RCL1: variants seen among roughly 807,000 people sequenced by gnomAD.
The protein encoded by RCL1 is RNA 3'-terminal phosphate cyclase-like protein.
Under a neutral mutation model 42.4 loss-of-function variants are expected in RCL1, and 24 were observed. The ratio of observed to expected loss-of-function variants is 0.57; its 90% CI spans 0.41 to 0.80. The LOEUF (loss-of-function observed/expected upper bound fraction) is 0.80. RCL1 is among the 30% of genes least tolerant of loss of function. The pLI is 0.00. For synonymous variants in RCL1, 228 were observed against 177.3 expected, an observed-to-expected ratio of 1.29 and a Z score of -2.27; for missense variants, 578 against 467.9, an observed-to-expected ratio of 1.24 and a Z score of -2.17.
At chr9:4,810,458 G>C (rs1022949251) in intron 1 of RCL1, among the ~76,000 whole-genome samples, 1 of 152,078 alleles carries the variant, frequency 6.6e-6, no homozygotes, top group Non-Finnish European at 1.5e-5. Context: ...TGTGTGCCTG[G>C]CCTCTTTAGC....
At chr9:4,810,084 T>A (rs143548571) in intron 1 of RCL1, among the ~76,000 whole-genome samples, 1 of 152,238 alleles carries the variant, frequency 6.6e-6, no homozygotes, top group Non-Finnish European at 1.5e-5. Context: ...TGCTTTGGCC[T>A]CCCAAAGTGC....
chr9:4,822,170 G>A (rs1816616021), intron 1 of RCL1, among the ~76,000 whole-genome samples: 1 of 152,244 alleles, frequency 6.6e-6, no homozygotes, highest in African/African-American at 2.4e-5. Flanking sequence ...ATGGGACAGT[G>A]TTATGTAACA....
intron 3 of RCL1, among the ~76,000 whole-genome samples, chr9:4,829,671 G>C (rs918249919): frequency 7.9e-5 from 12 of 152,164 alleles, no homozygotes; most frequent in Non-Finnish European, 1.5e-4. Context: ...CATCTTTCAC[G>C]TGTTTTTCCT....
At position 4,860,102 on chromosome 9, in the gene RCL1, T is replaced by G. The variant is rs373571409; in HGVS notation, c.972-23T>G. 1.2e-5 allele frequency: 17 copies of G among 1,459,568 alleles called. No homozygotes were observed. The African/African-American group carries it at 2.5e-4, about 21-fold the overall frequency. The allele number at this position is 1,459,568 out of a possible 1,614,324, so 90.4% of individuals were successfully genotyped here. On this transcript the variant is annotated intron_variant, in intron 8 of 8. Transcript: ENST00000381750. ...TTTGAATGAATTTCTTTTTATTTAT[T>G]TATTTATTTTTTTCCTTTTTAGGAT...
chr9:4,833,043 G>C lies in RCL1; in HGVS notation c.385-111G>C, dbSNP rs143828528. On this transcript the variant is annotated intron_variant, in intron 3 of 8. Transcript: ENST00000381750. ...TCAGTTATATGCCAGCATCCTTTCT[G>C]TTTACCACACTGCATCATCTACCTG... is the stretch of plus-strand genomic sequence containing the variant. The C allele has an allele frequency of 8.8e-5, 64 of 729,512 alleles. 1 individual carries two copies. In the African/African-American group the frequency reaches 9.1e-4, roughly 10 times the overall value. 45.2% of individuals were successfully genotyped at this position (729,512 alleles called of 1,614,324 possible).
At chr9:4,794,405 A>C (rs1842880896) in intron 1 of RCL1, among the ~76,000 whole-genome samples, 1 of 152,188 alleles carries the variant, frequency 6.6e-6, no homozygotes, top group Non-Finnish European at 1.5e-5. Context: ...TCCTCTCTCT[A>C]CTGCTCAAAA....
At chr9:4,814,813 A>G (rs1354309723) in intron 1 of RCL1, among the ~76,000 whole-genome samples, 10 of 152,034 alleles carry the variant, frequency 6.6e-5, no homozygotes, top group Admixed American at 6.5e-4. Flanking sequence ...CCTGGCTAAT[A>G]GTAATGAATT....
chr9:4,813,695 C>T lies in RCL1; in HGVS notation c.137-9853C>T, dbSNP rs543402550. On this transcript the variant is annotated intron_variant, in intron 1 of 8. Coordinates refer to ENST00000381750, the MANE Select transcript of RCL1 (RefSeq NM_005772.5). ...CAGCCATCCCATTACTGGGTATATA[C>T]CCAAAGGATTATAAATCATGCTGCT... Among the ~76,000 whole-genome samples, 5 of 152,254 alleles carry T rather than the reference C, an allele frequency of 3.3e-5. No homozygotes were observed. In the South Asian group the frequency reaches 6.2e-4, roughly 19 times the overall value.
chr9:4,837,260 T>C (rs295266), intron 5 of RCL1, among the ~76,000 whole-genome samples: 57,053 of 151,908 alleles, frequency 0.38, 10,948 homozygotes, highest in Middle Eastern at 0.43. Context: ...ATCCTGTTGA[T>C]GGCCATTGAG....
rs1817451171 is a variant in RCL1 at position 4,844,672 on chromosome 9, A to G, written c.858A>G (p.Glu286=). 6.2e-7 allele frequency: 1 copy of G among 1,612,972 alleles called. No homozygotes were observed. Among genetic ancestry groups the G allele is most frequent in the South Asian group, 1.1e-5 (1 of 90,942 alleles). ...ACTGTGCCCGGCTGCTGCTGGAGGA[A>G]ATCTACAGGGTATGTCCACAGCTTC... The part of the protein sequence containing the change: ...GRNCARLLLE[E]IYRGGCVDST... Residue 286 remains glutamate, a synonymous_variant, in exon 7 of 9, where the codon GAA becomes GAG. Transcript: ENST00000381750.
intron 1 of RCL1, among the ~76,000 whole-genome samples, chr9:4,799,589 T>C (rs1187672381): frequency 6.6e-6 from 1 of 152,206 alleles, no homozygotes; most frequent in East Asian, 1.9e-4. Context: ...CAGTCTCTAA[T>C]CTGTTCTTTA....
Position 4,803,863 on chromosome 9 carries a change from G to C in RCL1, c.136+10636G>C, listed in dbSNP as rs150908298. The C allele has an allele frequency of 2.5e-5, 4 of 157,288 alleles. No individual in the cohort carries two copies. In the South Asian group the frequency reaches 7.5e-4, roughly 29 times the overall value. The allele number at this position is 157,288 out of a possible 1,614,324, so 9.7% of individuals were successfully genotyped here. A position where few individuals can be genotyped will look rare whatever the true frequency, so the allele number is the denominator to read the frequency against. The stretch of plus-strand genomic sequence containing the variant: ...GGTTGTACTTCTGGCATTGGAACGG[G>C]CTGTTCCCTGTGTGTTGGCAATAGT... On this transcript the variant is annotated intron_variant, in intron 1 of 8. Coordinates refer to ENST00000381750, the MANE Select transcript of RCL1 (RefSeq NM_005772.5).
At chr9:4,819,761 C>A (rs1256121632) in intron 1 of RCL1, among the ~76,000 whole-genome samples, 3 of 152,146 alleles carry the variant, frequency 2.0e-5, no homozygotes, top group Non-Finnish European at 2.9e-5. Context: ...GAGCCAAGAT[C>A]GCGCCACTGC....
At chr9:4,852,254 T>C (rs1323692928) in intron 8 of RCL1, among the ~76,000 whole-genome samples, 1 of 152,204 alleles carries the variant, frequency 6.6e-6, no homozygotes. Flanking sequence ...TAATCACTGG[T>C]ATATGAAGAT....
intron 1 of RCL1, among the ~76,000 whole-genome samples, chr9:4,798,480 G>C (rs1255368168): frequency 2.0e-5 from 3 of 152,232 alleles, no homozygotes; most frequent in Admixed American, 6.5e-5. Flanking sequence ...TCCCATGGGG[G>C]AGTGCTCCAT....
chr9:4,801,826 T>G (rs1041156635), intron 1 of RCL1, among the ~76,000 whole-genome samples: 16 of 151,968 alleles, frequency 1.1e-4, no homozygotes, highest in African/African-American at 3.6e-4. Flanking sequence ...ACAAAATCAG[T>G]TCAGCATTTT....
intron 1 of RCL1, among the ~76,000 whole-genome samples, chr9:4,823,281 ATT>A (rs3038449): frequency 0.55 from 74,176 of 134,760 alleles, 20,384 homozygotes; most frequent in Admixed American, 0.61. Context: ...TGGTGGAGCT[ATT>A]TTTTTTTTTT....
chr9:4,839,828 A>T, intron 5 of RCL1: 1 of 984,706 alleles, frequency 1.0e-6, no homozygotes, highest in South Asian at 4.7e-5. Flanking sequence ...AAGAGCAAGA[A>T]CAAAATGTGC....
At position 4,814,348 on chromosome 9, in the gene RCL1, A is replaced by G. The variant is rs191454494; in HGVS notation, c.137-9200A>G. The stretch of plus-strand genomic sequence containing the variant: ...GCCCACGCTGAAGTGCAGTGATACA[A>G]GCATAGTTTACTGCAACCTTGAACT... On this transcript the variant is annotated intron_variant, in intron 1 of 8. Coordinates refer to ENST00000381750, the MANE Select transcript of RCL1 (RefSeq NM_005772.5). 4.0e-4 allele frequency among the ~76,000 whole-genome samples: 61 copies of G among 152,136 alleles called. 1 individual carries two copies. The Middle Eastern group carries it at 0.02, about 51-fold the overall frequency.
Sources: gnomAD v4.1 joint callset for allele counts (sites outside exome capture counted in the v4.1 genomes callset) on GRCh38, gnomAD v4.1.1 for gene constraint, MANE v1.5 for transcripts, NCBI Gene and HGNC (gene_info 2026-07-23, HGNC 2026-07-21) for gene names.